The following PLEKHM2 variants were observed in gnomAD, a reference collection of about 807,000 sequenced individuals.
The protein encoded by PLEKHM2 is pleckstrin homology and RUN domain containing M2.
A neutral mutation model predicts 116.3 loss-of-function variants in PLEKHM2; 77 were observed. That is an observed-to-expected ratio of 0.66 (90% CI 0.55 to 0.80). The LOEUF is 0.80. Among genes scored for constraint, PLEKHM2 ranks in the 30% least tolerant of loss-of-function variants. The pLI, the probability that PLEKHM2 is intolerant of heterozygous loss-of-function variation, is 0.00. For missense variants in PLEKHM2, 1,183 were observed against 1,354.9 expected (o/e 0.87, Z 1.99); for synonymous variants, 562 against 571.0 (o/e 0.98, Z 0.22).
intron 16 of PLEKHM2, among the ~76,000 whole-genome samples, chr1:15,731,597 G>A (rs752473996): frequency 6.6e-5 from 10 of 152,290 alleles, no homozygotes; most frequent in Middle Eastern, 3.4e-3. Flanking sequence ...GAATGCGGCC[G>A]ATTCTCAGAG....
chr1:15,694,216 G>A (rs1243255348), intron 1 of PLEKHM2, among the ~76,000 whole-genome samples: 1 of 152,086 alleles, frequency 6.6e-6, no homozygotes, highest in Non-Finnish European at 1.5e-5. Context: ...ACTGGGCATG[G>A]TGGCACATGC....
intron 1 of PLEKHM2, among the ~76,000 whole-genome samples, chr1:15,695,980 A>AT (rs35886234): frequency 7.1e-5 from 10 of 141,294 alleles, no homozygotes; most frequent in Admixed American, 1.4e-4. Flanking sequence ...TTTTTTCTAT[A>AT]TTTTTTTTTT....
rs1244852336 is a variant in PLEKHM2, at chr1:15,719,838, C to A, written c.570C>A (p.Asp190Glu). 1 of 1,613,896 alleles carries A rather than the reference C, an allele frequency of 6.2e-7. No individual in the cohort carries two copies. The change falls in exon 6 of 20, where the codon GAC becomes GAA. Residue 190 changes from aspartate to glutamate, a missense_variant. Around this residue, in one of 3 missense-constraint regions of PLEKHM2, gnomAD observed 217 missense variants for 277.6 expected, o/e 0.78. Transcript: ENST00000375799. This position sits in a 1 kb window ranked among gnomAD's most constrained non-coding sequence, Gnocchi z 4.1. Reference sequence around the variant, plus strand: ...TTCCCAGCTCGGTCCACGGCTCAGACAGTCTGTCCCTCAACTCTTTCAACT... The same window carrying A: ...TTCCCAGCTCGGTCCACGGCTCAGAAAGTCTGTCCCTCAACTCTTTCAACT... ...DRLPSSVHGS[D>E]SLSLNSFNSV... is the part of the protein sequence containing the mutation.
At chr1:15,694,348 C>CAA (rs796565464) in intron 1 of PLEKHM2, among the ~76,000 whole-genome samples, 4 of 145,288 alleles carry the variant, frequency 2.8e-5, no homozygotes, top group African/African-American at 5.0e-5. Flanking sequence ...GACTCCATCT[C>CAA]AAAAAAAAAA....
chr1:15,729,517 C>G lies in PLEKHM2; in HGVS notation c.2076-280C>G, dbSNP rs2068110336. On this transcript the variant is annotated intron_variant, in intron 13 of 19. Transcript: ENST00000375799. The surrounding 1 kb of genome is among the most constrained non-coding windows in gnomAD (Gnocchi z 4.7). ...CTGCATCCTTGTCGTGGCTCAAGGT[C>G]CCACCCGTTGACGTCCTGCCCACCC... 6.6e-6 allele frequency among the ~76,000 whole-genome samples: 1 copy of G among 152,148 alleles called. No individual in the cohort carries two copies. Among genetic ancestry groups the G allele is most frequent in the Non-Finnish European group, 1.5e-5 (1 of 68,014 alleles).
At chr1:15,718,740 C>A in intron 5 of PLEKHM2, 115 bp downstream of exon 5, 1 of 685,624 alleles carries the variant, frequency 1.5e-6, no homozygotes, top group South Asian at 1.7e-5. Flanking sequence ...TTGAGTATGA[C>A]TGGGCTTGAG....
chr1:15,705,420 G>A (rs1386367540), intron 1 of PLEKHM2, among the ~76,000 whole-genome samples: 5 of 151,820 alleles, frequency 3.3e-5, no homozygotes, highest in Admixed American at 2.0e-4. Flanking sequence ...GAGCTCAGAC[G>A]ATCCACTCAC....
chr1:15,718,989 G>A (rs1465645215), intron 5 of PLEKHM2, among the ~76,000 whole-genome samples: 1 of 152,132 alleles, frequency 6.6e-6, no homozygotes, highest in East Asian at 1.9e-4. Flanking sequence ...TCTGAAAAGT[G>A]TCATCAGCTC....
Position 15,731,879 on chromosome 1 carries a change from T to C in PLEKHM2, c.2466-10T>C. 6.2e-7 allele frequency: 1 copy of C among 1,608,338 alleles called. No individual in the cohort carries two copies. The highest frequency in any genetic ancestry group is 8.5e-7 in the Non-Finnish European group (1 of 1,177,616). On this transcript the variant is annotated splice_polypyrimidine_tract_variant and intron_variant, in intron 16 of 19. Coordinates refer to ENST00000375799, the MANE Select transcript of PLEKHM2 (RefSeq NM_015164.4). Reference sequence around the variant, plus strand: ...CCTCGCTCCCGTTTCACCCTCCTCCTCTGGCCCAGGGGGGAGCAGTGCGGT... The same window carrying C: ...CCTCGCTCCCGTTTCACCCTCCTCCCCTGGCCCAGGGGGGAGCAGTGCGGT...
At chr1:15,708,750 C>T (rs1053014232) in intron 1 of PLEKHM2, among the ~76,000 whole-genome samples, 1 of 152,100 alleles carries the variant, frequency 6.6e-6, no homozygotes, top group Non-Finnish European at 1.5e-5. Context: ...ATACATTATT[C>T]GTTCTGGGAC....
intron 1 of PLEKHM2, among the ~76,000 whole-genome samples, chr1:15,705,109 C>A (rs922865962): frequency 2.0e-5 from 3 of 151,994 alleles, no homozygotes; most frequent in Admixed American, 6.6e-5. Context: ...CGGCACCCCC[C>A]CTGCCCCTGA....
rs528418790 is a variant in PLEKHM2, at chr1:15,728,590, G to A, written c.1922-79G>A. 2.3e-4 allele frequency: 293 copies of A among 1,290,898 alleles called. 4 individuals are homozygous for A. The highest frequency in any genetic ancestry group is 2.8e-4 in the Non-Finnish European group (253 of 908,214). The allele number at this position is 1,290,898 out of a possible 1,614,324, so 80.0% of individuals were successfully genotyped here. A position where few individuals can be genotyped will look rare whatever the true frequency, so the allele number is the denominator to read the frequency against. ...CAAGGAGAGGCCCTCTAAGAGAGGG[G>A]GCTGTGTCTAAGAAAATGGGGCAGG... is the stretch of plus-strand genomic sequence containing the variant. On this transcript the variant is annotated intron_variant, in intron 11 of 19. Coordinates refer to ENST00000375799, the MANE Select transcript of PLEKHM2 (RefSeq NM_015164.4). This position sits in a 1 kb window ranked among gnomAD's most constrained non-coding sequence, Gnocchi z 5.9.
rs549047201 is a variant in PLEKHM2 at position 15,729,358 on chromosome 1, C to T, written c.2075+168C>T. ...CTGCTCAGAGAGGCAGGCAAGTAGA[C>T]GACAATCATAGGACTCATGTGGTCA... is the stretch of plus-strand genomic sequence containing the variant. On this transcript the variant is annotated intron_variant, in intron 13 of 19. Coordinates refer to ENST00000375799, the MANE Select transcript of PLEKHM2 (RefSeq NM_015164.4). This position sits in a 1 kb window ranked among gnomAD's most constrained non-coding sequence, Gnocchi z 4.7. Among the ~76,000 whole-genome samples the T allele has an allele frequency of 1.1e-3, 161 of 152,250 alleles. No individual in the cohort carries two copies. The highest frequency in any genetic ancestry group is 1.6e-3 in the Admixed American group (25 of 15,294).
intron 1 of PLEKHM2, among the ~76,000 whole-genome samples, chr1:15,701,288 C>T (rs1641106122): frequency 1.3e-5 from 2 of 149,272 alleles, no homozygotes; most frequent in African/African-American, 5.0e-5. Context: ...AAAAAATTAG[C>T]TGGGCATGGT....
chr1:15,728,244 C>T lies in PLEKHM2; in HGVS notation c.1831-23C>T. ...GGAGCGGCAGGAGCCACCTGCCTGA[C>T]CCTTGTCTGCTTCGGCCCCCAGATG... On this transcript the variant is annotated intron_variant, in intron 10 of 19. Transcript: ENST00000375799. The surrounding 1 kb of genome is among the most constrained non-coding windows in gnomAD (Gnocchi z 5.9). 3 of 1,611,846 alleles carry T rather than the reference C, an allele frequency of 1.9e-6. No homozygotes were observed. Among genetic ancestry groups the T allele is most frequent in the Non-Finnish European group, 2.5e-6 (3 of 1,178,852 alleles).
intron 1 of PLEKHM2, among the ~76,000 whole-genome samples, chr1:15,687,632 C>T (rs941937379): frequency 5.9e-5 from 9 of 152,192 alleles, no homozygotes; most frequent in African/African-American, 2.2e-4. Flanking sequence ...GTAGCCACTT[C>T]CTTTGTGTGT....
At chr1:15,684,775 C>T (rs1481716369) in intron 1 of PLEKHM2, among the ~76,000 whole-genome samples, 157 bp downstream of exon 1, 1 of 151,364 alleles carries the variant, frequency 6.6e-6, no homozygotes, top group Non-Finnish European at 1.5e-5. Flanking sequence ...GGGGAAGCGG[C>T]GCCGCTCACG....
chr1:15,701,448 G>GA (rs888532865), intron 1 of PLEKHM2, among the ~76,000 whole-genome samples: 32 of 141,884 alleles, frequency 2.3e-4, no homozygotes, highest in East Asian at 4.1e-4. Flanking sequence ...AAAGAAAAAA[G>GA]AAAAAAAAAA....
chr1:15,682,445 C>T (rs189475086), upstream of PLEKHM2, among the ~76,000 whole-genome samples: 1,593 of 135,066 alleles, frequency 0.012, 30 homozygotes, highest in African/African-American at 0.037. Context: ...AGCGAGACTC[C>T]GCCTCAAAAA....
Sources: gnomAD v4.1 joint callset for allele counts (sites outside exome capture counted in the v4.1 genomes callset) on GRCh38, gnomAD v4.1.1 for gene constraint, gnomAD v4.1.1 regional missense constraint, Gnocchi (gnomAD v3.1) non-coding constraint, MANE v1.5 for transcripts, NCBI Gene and HGNC (gene_info 2026-07-23, HGNC 2026-07-21) for gene names.